Variants in GSG1L2 observed in about 807,000 individuals in gnomAD.
The protein encoded by GSG1L2 is germ cell-specific gene 1-like protein 2.
In GSG1L2, 15 loss-of-function variants were observed where a neutral mutation model predicts 9.0. The ratio of observed to expected loss-of-function variants is 1.67; its 90% confidence interval spans 1.12 to 2.57. GSG1L2 has a LOEUF of 2.57. Among genes scored for constraint, GSG1L2 ranks in the 30% most tolerant of loss-of-function variants. The probability of loss-of-function intolerance (pLI) is 0.00; values close to 1 mark genes in which losing one functional copy is unlikely to be tolerated. For missense variants in GSG1L2, 286 were observed against 150.3 expected, an observed-to-expected ratio of 1.90 and a Z score of -4.72; for synonymous variants, 127 against 57.9, an observed-to-expected ratio of 2.19 and a Z score of -5.41.
rs2066497858 is a variant in GSG1L2 at position 9,801,812 on chromosome 17, C to A, written c.*574G>T. 6.6e-6 allele frequency among the ~76,000 whole-genome samples: 1 copy of A among 152,130 alleles called. No homozygotes were observed. The highest frequency in any genetic ancestry group is 2.4e-5 in the African/African-American group (1 of 41,428). ...TCTATCATTCGACTGTCCTTCCAAA[C>A]TGATTTTACTATGAGTAGAAACACA... On this transcript the variant is annotated 3_prime_UTR_variant, in exon 5 of 5. Coordinates refer to ENST00000399363, the MANE Select transcript of GSG1L2 (RefSeq NM_001310219.2).
At chr17:9,811,754 G>A (rs968062100) in intron 1 of GSG1L2, among the ~76,000 whole-genome samples, 3 of 152,230 alleles carry the variant, frequency 2.0e-5, no homozygotes, top group Non-Finnish European at 2.9e-5. Flanking sequence ...TCAAGACAGC[G>A]TAGGTAGAGG....
chr17:9,809,210 G>A (rs979722137), intron 2 of GSG1L2: 1 of 520,230 alleles, frequency 1.9e-6, no homozygotes, highest in Non-Finnish European at 3.5e-6. Flanking sequence ...CGGTGGGGTG[G>A]GGGCGGGGAA....
rs73976621 is a variant in GSG1L2 at position 9,821,157 on chromosome 17, T to C, written c.310+605A>G. ...TCCTCCTTTTTCTGCCTTGGAGGTT[T>C]TGCGTCCCAAGCAGAAAGGGAAGAG... On this transcript the variant is annotated intron_variant, in intron 1 of 4. Transcript: ENST00000399363. Among the ~76,000 whole-genome samples the C allele has an allele frequency of 4.3e-3, 659 of 152,270 alleles. 4 individuals carry two copies. Among genetic ancestry groups the C allele is most frequent in the African/African-American group, 0.015 (620 of 41,566 alleles).
chr17:9,816,452 CTGTGTGTGCGTCCGTGTGCGTGTCTG>C (rs2066561238), intron 1 of GSG1L2, among the ~76,000 whole-genome samples: 1 of 80,222 alleles, frequency 1.2e-5, no homozygotes, highest in South Asian at 4.7e-4. Context: ...GTGCGTGTGT[CTGTGTGTGCGTCCGTGTGCGTGTCTG>C]TGTGTGTGCA....
intron 1 of GSG1L2, among the ~76,000 whole-genome samples, chr17:9,817,094 A>ACACT (rs2066570845): frequency 2.6e-5 from 4 of 151,900 alleles, no homozygotes. Context: ...TGAGTTACAC[A>ACACT]CACACATACA....
chr17:9,816,840 G>A (rs2066567758), intron 1 of GSG1L2, among the ~76,000 whole-genome samples: 1 of 130,788 alleles, frequency 7.6e-6, no homozygotes, highest in South Asian at 3.2e-4. Context: ...GTGTATCTGT[G>A]TGTGTTTCTG....
intron 2 of GSG1L2, chr17:9,809,280 CA>C: frequency 1.5e-5 from 6 of 392,126 alleles, no homozygotes; most frequent in Non-Finnish European, 2.4e-5. Context: ...TGCCCTAGCT[CA>C]AAAACTACCA....
rs4791366 is a variant in GSG1L2, at chr17:9,820,938, T to C, written c.310+824A>G. 0.51 allele frequency among the ~76,000 whole-genome samples: 76,831 copies of C among 152,106 alleles called. 22,287 individuals are homozygous for C. Among genetic ancestry groups the C allele is most frequent in the African/African-American group, 0.81 (33,474 of 41,500 alleles). ...TCAGCTTCCCAAAGTGCTAGGATTA[T>C]AGGAATGAGCCACCAGGCTGGGCCT... On this transcript the variant is annotated intron_variant, in intron 1 of 4. Transcript: ENST00000399363. This position sits in a 1 kb window ranked among gnomAD's most constrained non-coding sequence, Gnocchi z 4.9.
intron 1 of GSG1L2, among the ~76,000 whole-genome samples, chr17:9,816,772 C>G (rs112329201): frequency 4.6e-5 from 3 of 64,652 alleles, no homozygotes; most frequent in African/African-American, 1.8e-4. Flanking sequence ...TCTGTGTGTG[C>G]GTGTGTGTCT....
intron 1 of GSG1L2, among the ~76,000 whole-genome samples, chr17:9,812,476 C>T (rs1318327407): frequency 2.0e-5 from 3 of 152,126 alleles, no homozygotes; most frequent in African/African-American, 4.8e-5. Context: ...CCCAGGGTCC[C>T]ATACTATCTT....
At chr17:9,803,508 A>G (rs777904436) in intron 4 of GSG1L2, among the ~76,000 whole-genome samples, 1 of 152,232 alleles carries the variant, frequency 6.6e-6, no homozygotes, top group Non-Finnish European at 1.5e-5. Flanking sequence ...TGTTGGGAAC[A>G]TGGTAATTAG....
chr17:9,816,643 GTC>G (rs1222086175), intron 1 of GSG1L2, among the ~76,000 whole-genome samples: 2 of 124,548 alleles, frequency 1.6e-5, no homozygotes, highest in African/African-American at 3.0e-5. Context: ...CTGTGTGCGT[GTC>G]TGTGTGTGTC....
rs1175843402 is a variant in GSG1L2, at chr17:9,807,606, G to T, written c.512-5C>A. On this transcript the variant is annotated splice_region_variant and splice_polypyrimidine_tract_variant and intron_variant, in intron 3 of 4. Coordinates refer to ENST00000399363, the MANE Select transcript of GSG1L2 (RefSeq NM_001310219.2). The stretch of plus-strand genomic sequence containing the variant: ...GGGCCACCATGCCTAGAAGCCCTGC[G>T]CAAGGAAAGCTCTGTGAGTCACAGC... 1.4e-6 allele frequency: 1 copy of T among 703,376 alleles called. No homozygotes were observed. Among genetic ancestry groups the T allele is most frequent in the Non-Finnish European group, 2.6e-6 (1 of 385,022 alleles). The allele number at this position is 703,376 out of a possible 1,614,324, so 43.6% of individuals were successfully genotyped here. A position where few individuals can be genotyped will look rare whatever the true frequency, so the allele number is the denominator to read the frequency against.
At chr17:9,806,396 G>A (rs2066516307) in intron 4 of GSG1L2, among the ~76,000 whole-genome samples, 1 of 152,214 alleles carries the variant, frequency 6.6e-6, no homozygotes, top group Non-Finnish European at 1.5e-5. Context: ...GTGGGTATCA[G>A]AAGGGTGGCA....
chr17:9,813,813 C>T lies in GSG1L2; in HGVS notation c.311-3195G>A, dbSNP rs557215586. Among the ~76,000 whole-genome samples, 9 of 152,364 alleles carry T rather than the reference C, an allele frequency of 5.9e-5. No homozygotes were observed. The South Asian group carries it at 1.0e-3, about 18-fold the overall frequency. On this transcript the variant is annotated intron_variant, in intron 1 of 4. Coordinates refer to ENST00000399363, the MANE Select transcript of GSG1L2 (RefSeq NM_001310219.2). ...CTGGCATCTCTGCCTGTTTCTGCCA[C>T]GGTCAGTCACCATCGCAAGTTTCCT...
At chr17:9,816,759 GTGTC>G (rs1270810711) in intron 1 of GSG1L2, among the ~76,000 whole-genome samples, 1 of 105,414 alleles carries the variant, frequency 9.5e-6, no homozygotes, top group Non-Finnish European at 1.9e-5. Flanking sequence ...GTGTGTATCT[GTGTC>G]TGTGTGTGCG....
chr17:9,814,530 A>G (rs1053847290), intron 1 of GSG1L2, among the ~76,000 whole-genome samples: 3 of 152,178 alleles, frequency 2.0e-5, no homozygotes, highest in African/African-American at 7.2e-5. Flanking sequence ...AGCCAAGGAG[A>G]TTAAGAGAAT....
chr17:9,814,628 T>C (rs2152024028), intron 1 of GSG1L2, among the ~76,000 whole-genome samples: 1 of 152,220 alleles, frequency 6.6e-6, no homozygotes, highest in East Asian at 1.9e-4. Context: ...TTAGAAATGG[T>C]GTTCGTTTTG....
intron 4 of GSG1L2, among the ~76,000 whole-genome samples, chr17:9,803,100 C>CTTTTT (rs58980664): frequency 2.2e-5 from 2 of 92,506 alleles, no homozygotes; most frequent in African/African-American, 8.5e-5. Flanking sequence ...GGTGTCATTA[C>CTTTTT]TTTTTTTTTT....
Sources: gnomAD v4.1 joint callset for allele counts (sites outside exome capture counted in the v4.1 genomes callset) on GRCh38, gnomAD v4.1.1 for gene constraint, Gnocchi (gnomAD v3.1) non-coding constraint, MANE v1.5 for transcripts, NCBI Gene and HGNC (gene_info 2026-07-23, HGNC 2026-07-21) for gene names.